Variants in JAKMIP2 observed in about 807,000 individuals in gnomAD.
JAKMIP2 encodes janus kinase and microtubule-interacting protein 2.
JAKMIP2 carries 25 observed loss-of-function variants against 115.0 expected under a neutral mutation model. The ratio of observed to expected loss-of-function variants is 0.22; its 90% CI spans 0.16 to 0.30. The LOEUF (loss-of-function observed/expected upper bound fraction) is 0.30, where lower values mean the gene tolerates loss of function less well. JAKMIP2 is among the 10% of genes least tolerant of loss of function. JAKMIP2 has a pLI of 1.00. For missense variants in JAKMIP2, 642 were observed against 957.6 expected, an observed-to-expected ratio of 0.67 and a Z score of 4.35; for synonymous variants, 334 against 343.6, an observed-to-expected ratio of 0.97 and a Z score of 0.31.
rs1454431735 is a variant in JAKMIP2, at chr5:147,695,708, AAG to A, written c.-148-23756_-148-23755del. 8.1e-5 allele frequency among the ~76,000 whole-genome samples: 12 copies of A among 148,964 alleles called. No homozygotes were observed. In the East Asian group the frequency reaches 2.2e-3, roughly 27 times the overall value. On this transcript the variant is annotated intron_variant, in intron 1 of 21. Coordinates refer to ENST00000616793, the MANE Select transcript of JAKMIP2 (RefSeq NM_001270941.2). ...AGAGAGACAGAGACAGAGACAGAGA[AAG>A]AGAGAGAGAACAAGTGAGCAAATTC...
intron 2 of JAKMIP2, chr5:147,661,992 A>G (rs1759008073): frequency 6.6e-6 from 1 of 152,318 alleles, no homozygotes. Flanking sequence ...TAAGGCTAAT[A>G]AATTAGTGCC....
chr5:147,702,652 GAAA>G (rs1746477598), intron 1 of JAKMIP2, among the ~76,000 whole-genome samples: 1 of 118,632 alleles, frequency 8.4e-6, no homozygotes, highest in African/African-American at 3.9e-5. Context: ...AAGAAAGAAA[GAAA>G]GAAAGAAAGA....
chr5:147,730,029 G>A (rs1273083450), intron 1 of JAKMIP2, among the ~76,000 whole-genome samples: 1 of 152,116 alleles, frequency 6.6e-6, no homozygotes, highest in Non-Finnish European at 1.5e-5. Flanking sequence ...CTGACAAGAT[G>A]ATTCCAATTA....
chr5:147,727,988 T>C (rs1052487552), intron 1 of JAKMIP2, among the ~76,000 whole-genome samples: 7 of 152,178 alleles, frequency 4.6e-5, no homozygotes, highest in African/African-American at 1.4e-4. Flanking sequence ...AAACGTCTAT[T>C]TTCCTCATGA....
At chr5:147,642,659 G>C (rs1344883421) in intron 7 of JAKMIP2, among the ~76,000 whole-genome samples, 1 of 151,306 alleles carries the variant, frequency 6.6e-6, no homozygotes, top group Non-Finnish European at 1.5e-5. Context: ...AGTGGTGTTC[G>C]GGCTTTTTTT....
chr5:147,599,184 A>T (rs1375396420), intron 21 of JAKMIP2, among the ~76,000 whole-genome samples: 1 of 152,196 alleles, frequency 6.6e-6, no homozygotes, highest in Non-Finnish European at 1.5e-5. Flanking sequence ...ATCTAATAAT[A>T]GCTAAGAGTT....
chr5:147,637,437 A>ATTTTT (rs34831610), intron 10 of JAKMIP2, among the ~76,000 whole-genome samples: 12 of 79,304 alleles, frequency 1.5e-4, no homozygotes, highest in Middle Eastern at 0.014. Context: ...AATTCTTTTG[A>ATTTTT]TTTTTTTTTT....
chr5:147,743,496 A>G (rs889332592), intron 1 of JAKMIP2, among the ~76,000 whole-genome samples: 17 of 152,204 alleles, frequency 1.1e-4, no homozygotes, highest in African/African-American at 3.9e-4. Context: ...TCTACTGTTC[A>G]CTAATGGGAT....
At chr5:147,703,695 G>C (rs866752280) in intron 1 of JAKMIP2, among the ~76,000 whole-genome samples, 5 of 151,394 alleles carry the variant, frequency 3.3e-5, no homozygotes, top group Non-Finnish European at 7.4e-5. Context: ...AAAGTGCTGG[G>C]ATTACAAGCA....
intron 1 of JAKMIP2, among the ~76,000 whole-genome samples, chr5:147,736,480 A>T (rs7726279): frequency 0.045 from 6,830 of 152,182 alleles, 269 homozygotes; most frequent in East Asian, 0.11. Context: ...ATTAAAAATT[A>T]AAAAATTAAA....
At chr5:147,641,645 A>G in intron 8 of JAKMIP2, 63 bp downstream of exon 8, 1 of 1,175,640 alleles carries the variant, frequency 8.5e-7, no homozygotes, top group Non-Finnish European at 1.3e-6. Context: ...GGAAGATTCC[A>G]TGCCAAGCCT....
intron 1 of JAKMIP2, among the ~76,000 whole-genome samples, chr5:147,753,365 T>A (rs1180782153): frequency 6.6e-6 from 1 of 152,152 alleles, no homozygotes; most frequent in African/African-American, 2.4e-5. Flanking sequence ...AAACTGAGGC[T>A]TAGAGGAAAG....
intron 1 of JAKMIP2, among the ~76,000 whole-genome samples, chr5:147,775,167 G>A (rs1223790985): frequency 6.6e-6 from 1 of 152,090 alleles, no homozygotes; most frequent in Non-Finnish European, 1.5e-5. Flanking sequence ...TGGTTCAAAG[G>A]CATGTCCGTG....
chr5:147,759,919 T>C (rs1299568788), intron 1 of JAKMIP2, among the ~76,000 whole-genome samples: 2 of 152,030 alleles, frequency 1.3e-5, no homozygotes, highest in African/African-American at 4.8e-5. Flanking sequence ...CAGGGGAAGA[T>C]GGCAGCCCTA....
intron 1 of JAKMIP2, among the ~76,000 whole-genome samples, chr5:147,708,925 A>T (rs564059084): frequency 1.3e-5 from 2 of 152,300 alleles, no homozygotes; most frequent in South Asian, 4.1e-4. Context: ...TACTCTTTAG[A>T]GATGCAGTGA....
rs141370939 is a variant in JAKMIP2, at chr5:147,611,502, C to G, written c.2412+804G>C. On this transcript the variant is annotated intron_variant, in intron 20 of 21. Transcript: ENST00000616793. ...ACCCCACCCTGCTTTGGCTTGCCCTCCGTGGGCTGCACCCATTGTCTAACC... is the reference window on the plus strand; with the variant it reads ...ACCCCACCCTGCTTTGGCTTGCCCTGCGTGGGCTGCACCCATTGTCTAACC... Among the ~76,000 whole-genome samples, 855 of 152,262 alleles carry G rather than the reference C, an allele frequency of 5.6e-3. 10 individuals carry two copies. The highest frequency in any genetic ancestry group is 0.02 in the African/African-American group (821 of 41,528).
intron 3 of JAKMIP2, among the ~76,000 whole-genome samples, chr5:147,659,696 C>G (rs1031921829): frequency 1.3e-5 from 2 of 152,200 alleles, no homozygotes; most frequent in African/African-American, 2.4e-5. Context: ...AGTCCTGATT[C>G]TTTCTTCATC....
At chr5:147,739,349 G>A (rs141803385) in intron 1 of JAKMIP2, among the ~76,000 whole-genome samples, 1 of 152,130 alleles carries the variant, frequency 6.6e-6, no homozygotes, top group Non-Finnish European at 1.5e-5. Context: ...ACACATTTAT[G>A]CCACAGGAGG....
intron 1 of JAKMIP2, among the ~76,000 whole-genome samples, chr5:147,758,025 T>C (rs1454591666): frequency 1.3e-5 from 2 of 152,128 alleles, no homozygotes; most frequent in Non-Finnish European, 2.9e-5. Flanking sequence ...GCTATTTAAC[T>C]TACAAAGGAT....
Sources: gnomAD v4.1 joint callset for allele counts (sites outside exome capture counted in the v4.1 genomes callset) on GRCh38, gnomAD v4.1.1 for gene constraint, MANE v1.5 for transcripts, NCBI Gene and HGNC (gene_info 2026-07-23, HGNC 2026-07-21) for gene names.